The following TMEM132D variants were observed in gnomAD, a reference collection of about 807,000 sequenced individuals.
The protein encoded by TMEM132D is mature OL transmembrane protein.
A neutral mutation model predicts 62.3 loss-of-function variants in TMEM132D; 21 were observed. That is an observed-to-expected ratio of 0.34 (90% CI 0.24 to 0.49). The LOEUF is 0.49. Among genes scored for constraint, TMEM132D ranks in the 20% least tolerant of loss-of-function variants. The probability of loss-of-function intolerance (pLI) is 0.99; values close to 1 mark genes in which losing one functional copy is unlikely to be tolerated. For missense variants in TMEM132D, 1,346 were observed against 1,402.8 expected, an observed-to-expected ratio of 0.96 and a Z score of 0.65; for synonymous variants, 621 against 575.6, an observed-to-expected ratio of 1.08 and a Z score of -1.13.
chr12:129,583,176 C>T (rs779260414), intron 2 of TMEM132D, among the ~76,000 whole-genome samples: 1 of 152,170 alleles, frequency 6.6e-6, no homozygotes, highest in Non-Finnish European at 1.5e-5. Flanking sequence ...GAGATTGTGT[C>T]CATATGAAAC....
chr12:129,578,562 G>A (rs957570675), intron 2 of TMEM132D, among the ~76,000 whole-genome samples: 10 of 151,864 alleles, frequency 6.6e-5, no homozygotes, highest in African/African-American at 2.4e-4. Context: ...TATAAATGAA[G>A]AGATTTATTA....
At chr12:129,781,567 G>A (rs993361007) in intron 1 of TMEM132D, among the ~76,000 whole-genome samples, 24 of 152,120 alleles carry the variant, frequency 1.6e-4, no homozygotes, top group African/African-American at 5.6e-4. Context: ...TGGCCTAGTA[G>A]GGTAGTTCTG....
At chr12:129,272,983 G>A (rs911971962) in intron 4 of TMEM132D, among the ~76,000 whole-genome samples, 2 of 151,748 alleles carry the variant, frequency 1.3e-5, no homozygotes, top group Admixed American at 1.3e-4. Flanking sequence ...ATCACTTGAG[G>A]TCAGGAGTTC....
chr12:129,200,460 A>G (rs1055532609), intron 5 of TMEM132D, among the ~76,000 whole-genome samples: 7 of 152,242 alleles, frequency 4.6e-5, no homozygotes, highest in Admixed American at 1.3e-4. Flanking sequence ...GACACAGGGA[A>G]AGTCTTCAAA....
intron 3 of TMEM132D, among the ~76,000 whole-genome samples, chr12:129,351,564 T>C (rs1472206764): frequency 1.3e-5 from 2 of 152,168 alleles, no homozygotes; most frequent in Admixed American, 6.5e-5. Context: ...TTCCAGACTA[T>C]TCACATAAGA....
intron 2 of TMEM132D, among the ~76,000 whole-genome samples, chr12:129,544,908 G>A (rs1876689547): frequency 6.6e-6 from 1 of 152,192 alleles, no homozygotes; most frequent in Non-Finnish European, 1.5e-5. Context: ...ACATCAGGGT[G>A]ACTGAGTCAC....
chr12:129,319,717 GGAA>G (rs1235697783), intron 4 of TMEM132D, among the ~76,000 whole-genome samples: 2 of 152,174 alleles, frequency 1.3e-5, no homozygotes, highest in Non-Finnish European at 1.5e-5. Context: ...TCATGAGGTT[GGAA>G]GAAGATGTAA....
chr12:129,614,645 T>C (rs1244756503), intron 2 of TMEM132D, among the ~76,000 whole-genome samples: 1 of 152,182 alleles, frequency 6.6e-6, no homozygotes, highest in East Asian at 1.9e-4. Flanking sequence ...AACTCAGATG[T>C]CTACAGAGTC....
intron 5 of TMEM132D, among the ~76,000 whole-genome samples, chr12:129,171,630 G>A (rs370046232): frequency 1.3e-5 from 2 of 152,216 alleles, no homozygotes; most frequent in Non-Finnish European, 2.9e-5. Context: ...GCTGCAGAGT[G>A]GATGTTGTGT....
intron 1 of TMEM132D, among the ~76,000 whole-genome samples, chr12:129,806,819 C>T (rs749166967): frequency 4.4e-4 from 67 of 152,090 alleles, no homozygotes; most frequent in Non-Finnish European, 7.8e-4. Context: ...TGAGCCCAGG[C>T]GTTTGAGACC....
chr12:129,204,396 A>G lies in TMEM132D; in HGVS notation c.1443+5124T>C, dbSNP rs1878788122. ...AAATAATGCAATTGCAAGTATTAAA[A>G]GCAGAATAGACCTAGCTGAAGAAAT... is the stretch of plus-strand genomic sequence containing the variant. On this transcript the variant is annotated intron_variant, in intron 5 of 8. Coordinates refer to ENST00000422113, the MANE Select transcript of TMEM132D (RefSeq NM_133448.3). 2.0e-5 allele frequency among the ~76,000 whole-genome samples: 3 copies of G among 152,230 alleles called. No individual in the cohort carries two copies. The South Asian group carries it at 6.2e-4, about 31-fold the overall frequency.
Position 129,460,438 on chromosome 12 carries a change from G to A in TMEM132D, c.1115+70621C>T, listed in dbSNP as rs549148349. Among the ~76,000 whole-genome samples the A allele has an allele frequency of 1.3e-4, 20 of 152,264 alleles. No homozygotes were observed. The East Asian group carries it at 1.4e-3, about 10-fold the overall frequency. ...CATAGGAACATGAACTCAGGCTGCC[G>A]GGATCTGAGTAGCAGCTGTGACATC... On this transcript the variant is annotated intron_variant, in intron 3 of 8. Transcript: ENST00000422113.
At chr12:129,524,912 A>C (rs567373580) in intron 3 of TMEM132D, among the ~76,000 whole-genome samples, 3 of 117,590 alleles carry the variant, frequency 2.6e-5, no homozygotes, top group South Asian at 5.5e-4. Flanking sequence ...TTATTTTCAT[A>C]TTTTTTTCTT....
intron 5 of TMEM132D, among the ~76,000 whole-genome samples, chr12:129,116,259 C>T (rs1875886848): frequency 6.6e-6 from 1 of 152,114 alleles, no homozygotes; most frequent in African/African-American, 2.4e-5. Flanking sequence ...GACCTTATGG[C>T]ATGGCACATA....
chr12:129,436,035 T>C (rs1359649713), intron 3 of TMEM132D, among the ~76,000 whole-genome samples: 1 of 152,166 alleles, frequency 6.6e-6, no homozygotes, highest in Non-Finnish European at 1.5e-5. Flanking sequence ...TCAACTGACA[T>C]GTGTAATTTA....
At chr12:129,113,877 C>T (rs1875802366) in intron 5 of TMEM132D, among the ~76,000 whole-genome samples, 1 of 151,924 alleles carries the variant, frequency 6.6e-6, no homozygotes, top group South Asian at 2.1e-4. Flanking sequence ...GGCCCACTTG[C>T]AGCAAGAGTT....
At chr12:129,192,030 A>G (rs1275086026) in intron 5 of TMEM132D, among the ~76,000 whole-genome samples, 2 of 152,236 alleles carry the variant, frequency 1.3e-5, no homozygotes, top group East Asian at 1.9e-4. Flanking sequence ...CTGGGTCTCT[A>G]AAGTCTGAAC....
intron 3 of TMEM132D, among the ~76,000 whole-genome samples, chr12:129,512,129 T>C (rs1176302470): frequency 6.6e-6 from 1 of 152,186 alleles, no homozygotes; most frequent in Non-Finnish European, 1.5e-5. Flanking sequence ...CTGATTAAAC[T>C]CCTCTTTTCC....
chr12:129,828,047 G>A (rs7303361), intron 1 of TMEM132D, among the ~76,000 whole-genome samples: 6,102 of 152,208 alleles, frequency 0.04, 410 homozygotes, highest in African/African-American at 0.14. Flanking sequence ...CCAGTTTAGA[G>A]GAGGAACATT....
Sources: allele counts gnomAD v4.1 joint callset (sites outside exome capture counted in the v4.1 genomes callset), GRCh38; gene constraint gnomAD v4.1.1; transcripts MANE v1.5; gene names NCBI Gene and HGNC (gene_info 2026-07-23, HGNC 2026-07-21).